The following TSHZ2 variants were observed in gnomAD, a reference collection of about 807,000 sequenced individuals.
TSHZ2 encodes the protein teashirt homolog 2.
A neutral mutation model predicts 74.4 loss-of-function variants in TSHZ2; 21 were observed. That is an observed-to-expected ratio of 0.28 (90% CI 0.20 to 0.41). TSHZ2 has a LOEUF of 0.41. TSHZ2 is among the 10% of genes least tolerant of loss of function. The pLI is 1.00. For synonymous variants in TSHZ2, 540 were observed against 515.3 expected (o/e 1.05, Z -0.65); for missense variants, 1,244 against 1,293.5 (o/e 0.96, Z 0.59).
intron 2 of TSHZ2, among the ~76,000 whole-genome samples, chr20:53,257,168 T>G (rs1990500599): frequency 2.0e-5 from 3 of 152,268 alleles, no homozygotes; most frequent in Admixed American, 6.5e-5. Context: ...ATTTTCTACA[T>G]TAAGTGTCCT....
chr20:53,191,395 G>T (rs1988734361), intron 1 of TSHZ2, among the ~76,000 whole-genome samples: 1 of 152,186 alleles, frequency 6.6e-6, no homozygotes, highest in Non-Finnish European at 1.5e-5. Context: ...AGGTGTGGTG[G>T]CTCACGCTTG....
At chr20:53,165,581 G>A (rs1988045750) in intron 1 of TSHZ2, among the ~76,000 whole-genome samples, 1 of 152,212 alleles carries the variant, frequency 6.6e-6, no homozygotes, top group Non-Finnish European at 1.5e-5. Flanking sequence ...CTTCTAATGT[G>A]TCAGTGCTAT....
rs537024774 is a variant in TSHZ2, at chr20:53,165,457, G to A, written c.41-88042G>A. On this transcript the variant is annotated intron_variant, in intron 1 of 2. Transcript: ENST00000371497. ...CACCTTGTCACATTGTCGTGGTGGCGATTGAAAATTTTCTCCTGCAGGTAG... is the reference window on the plus strand; with the variant it reads ...CACCTTGTCACATTGTCGTGGTGGCAATTGAAAATTTTCTCCTGCAGGTAG... Among the ~76,000 whole-genome samples the A allele has an allele frequency of 2.2e-4, 33 of 152,286 alleles. 1 individual carries two copies. The highest frequency in any genetic ancestry group is 6.5e-4 in the African/African-American group (27 of 41,564).
At chr20:53,268,484 A>T (rs1990764073) in intron 2 of TSHZ2, among the ~76,000 whole-genome samples, 1 of 152,180 alleles carries the variant, frequency 6.6e-6, no homozygotes, top group East Asian at 1.9e-4. Flanking sequence ...GTGACTTAGA[A>T]ACAGGATTTG....
intron 1 of TSHZ2, among the ~76,000 whole-genome samples, chr20:53,006,130 A>C (rs1982635202): frequency 6.6e-6 from 1 of 152,202 alleles, no homozygotes. Context: ...TTGAAAGAAA[A>C]GTTGTAAGAT....
At chr20:53,478,801 C>T (rs1392768380) in intron 2 of TSHZ2, among the ~76,000 whole-genome samples, 1 of 152,078 alleles carries the variant, frequency 6.6e-6, no homozygotes, top group Non-Finnish European at 1.5e-5. Flanking sequence ...CTTCCTTTTA[C>T]CATCCTGAAA....
At chr20:53,233,993 C>T (rs1052647669) in intron 1 of TSHZ2, among the ~76,000 whole-genome samples, 1 of 152,110 alleles carries the variant, frequency 6.6e-6, no homozygotes, top group Non-Finnish European at 1.5e-5. Context: ...ACTTATAGCC[C>T]AGGCCCTGCA....
At chr20:53,274,758 A>G (rs1175763067) in intron 2 of TSHZ2, among the ~76,000 whole-genome samples, 1 of 152,186 alleles carries the variant, frequency 6.6e-6, no homozygotes, top group Non-Finnish European at 1.5e-5. Flanking sequence ...AACGTTGCCT[A>G]TCTTTCTTTC....
At chr20:53,460,902 A>C (rs1985334109) in intron 2 of TSHZ2, among the ~76,000 whole-genome samples, 1 of 152,254 alleles carries the variant, frequency 6.6e-6, no homozygotes, top group South Asian at 2.1e-4. Context: ...GCCCGTTCTC[A>C]GATCTCCAGC....
Position 53,123,797 on chromosome 20 carries a change from G to A in TSHZ2, c.41-129702G>A, listed in dbSNP as rs560335966. ...CTGGAAGAATGAAACAATTTGTGTA[G>A]GGCCAGAGCCTGAAAGTAAGGTGGC... On this transcript the variant is annotated intron_variant, in intron 1 of 2. Transcript: ENST00000371497. 2.0e-5 allele frequency among the ~76,000 whole-genome samples: 3 copies of A among 152,300 alleles called. No homozygotes were observed. The East Asian group carries it at 5.8e-4, about 29-fold the overall frequency.
At chr20:53,308,968 A>G (rs182113742) in intron 2 of TSHZ2, among the ~76,000 whole-genome samples, 1 of 152,308 alleles carries the variant, frequency 6.6e-6, no homozygotes, top group East Asian at 1.9e-4. Context: ...TGCGGTTTTA[A>G]CAATGACAGA....
chr20:53,337,462 A>T (rs1365506938), intron 2 of TSHZ2, among the ~76,000 whole-genome samples: 1 of 152,114 alleles, frequency 6.6e-6, no homozygotes, highest in East Asian at 1.9e-4. Context: ...GTTTCATTGG[A>T]CGGAACTGTC....
intron 1 of TSHZ2, among the ~76,000 whole-genome samples, chr20:53,092,980 C>T (rs975541702): frequency 7.9e-5 from 12 of 152,116 alleles, no homozygotes; most frequent in South Asian, 4.1e-4. Flanking sequence ...ACAAAACAAG[C>T]GGTGAGCCGG....
At chr20:53,259,993 T>G (rs726479) in intron 2 of TSHZ2, among the ~76,000 whole-genome samples, 47,973 of 151,916 alleles carry the variant, frequency 0.32, 7,949 homozygotes, top group East Asian at 0.45. Flanking sequence ...AAATATTCCT[T>G]CCTTTCATCC....
intron 1 of TSHZ2, among the ~76,000 whole-genome samples, chr20:53,247,842 CT>C (rs1169706252): frequency 4.6e-5 from 7 of 152,114 alleles, no homozygotes; most frequent in Non-Finnish European, 8.8e-5. Context: ...TTAAATTGTT[CT>C]TATGTTATGA....
In TSHZ2 at chr20:53,022,121, T is replaced by G. The variant is rs77087388; in HGVS notation, c.40+48788T>G. ...GTGACTGCAAAATGAAACTCAGAGG[T>G]TCCTGGCTGCAAAGGCAAAAAGAGA... On this transcript the variant is annotated intron_variant, in intron 1 of 2. Transcript: ENST00000371497. Among the ~76,000 whole-genome samples, 230 of 152,006 alleles carry G rather than the reference T, an allele frequency of 1.5e-3. 6 individuals carry two copies. The East Asian group carries it at 0.042, about 28-fold the overall frequency.
rs1986394692 is a variant in TSHZ2 at position 53,489,614 on chromosome 20, A to T, written c.*2479A>T. On this transcript the variant is annotated 3_prime_UTR_variant, in exon 3 of 3. Coordinates refer to ENST00000371497, the MANE Select transcript of TSHZ2 (RefSeq NM_173485.6). ...CCTTCTAAGGAAGAAAAAATAAATC[A>T]TCTGCTTCAACATATAATCGATATG... The T allele has an allele frequency of 6.2e-6, 1 of 160,334 alleles. No individual in the cohort carries two copies. The highest frequency in any genetic ancestry group is 1.4e-5 in the Non-Finnish European group (1 of 72,862). The allele number at this position is 160,334 out of a possible 1,614,324, so 9.9% of individuals were successfully genotyped here.
At chr20:53,322,542 T>C (rs1490989231) in intron 2 of TSHZ2, among the ~76,000 whole-genome samples, 1 of 151,756 alleles carries the variant, frequency 6.6e-6, no homozygotes, top group Non-Finnish European at 1.5e-5. Flanking sequence ...AAAACATGAC[T>C]TTAGTCCCGC....
intron 1 of TSHZ2, among the ~76,000 whole-genome samples, chr20:53,130,125 A>G (rs532509635): frequency 6.6e-6 from 1 of 152,062 alleles, no homozygotes; most frequent in South Asian, 2.1e-4. Context: ...ACATATTATG[A>G]TAGTTATCAA....
Sources: allele counts gnomAD v4.1 joint callset (sites outside exome capture counted in the v4.1 genomes callset), GRCh38; gene constraint gnomAD v4.1.1; transcripts MANE v1.5; gene names NCBI Gene and HGNC (gene_info 2026-07-23, HGNC 2026-07-21).